Variants in NPIPB2 observed in about 807,000 individuals in gnomAD.
The protein encoded by NPIPB2 is nuclear pore complex-interacting protein family member B2.
Under a neutral mutation model 30.8 loss-of-function variants are expected in NPIPB2, and 27 were observed. The ratio of observed to expected loss-of-function variants is 0.88; its 90% CI spans 0.65 to 1.21. The LOEUF (loss-of-function observed/expected upper bound fraction) is 1.21. Among genes scored for constraint, NPIPB2 ranks in the 50% most tolerant of loss-of-function variants. The pLI is 0.00. For synonymous variants in NPIPB2, 147 were observed against 162.0 expected, an observed-to-expected ratio of 0.91 and a Z score of 0.70; for missense variants, 440 against 446.2, an observed-to-expected ratio of 0.99 and a Z score of 0.13.
chr16:11,951,011 A>G (rs2055056508), intron 1 of NPIPB2, among the ~76,000 whole-genome samples: 2 of 152,036 alleles, frequency 1.3e-5, no homozygotes, highest in Non-Finnish European at 2.9e-5. Flanking sequence ...TTGTTCTTTA[A>G]AAGGATTCAG....
At chr16:11,944,229 T>C (rs182603592), upstream of NPIPB2, among the ~76,000 whole-genome samples, 1 of 150,626 alleles carries the variant, frequency 6.6e-6, no homozygotes, top group Non-Finnish European at 1.5e-5. Flanking sequence ...GAATGCACTA[T>C]TGCGGTCTCG....
In NPIPB2 at chr16:11,967,504, G is replaced by A. The variant is rs1596507873; in HGVS notation, c.-584+9064C>T. On this transcript the variant is annotated intron_variant, in intron 1 of 5. Coordinates refer to the NPIPB2 transcript ENST00000538896. ...ATTGCTTTGAGTCCCGATGTGTACT[G>A]CTAAGACTCTCATGACCACATTCTC... 27 of 1,518,350 alleles carry A rather than the reference G, an allele frequency of 1.8e-5. No homozygotes were observed. The East Asian group carries it at 5.4e-4, about 31-fold the overall frequency. 94.1% of individuals were successfully genotyped at this position (1,518,350 alleles called of 1,614,324 possible).
At chr16:11,947,507 G>A (rs62040820) in intron 1 of NPIPB2, among the ~76,000 whole-genome samples, 17,296 of 151,116 alleles carry the variant, frequency 0.11, 1,298 homozygotes, top group South Asian at 0.2. Context: ...GCCACGCCCC[G>A]CTAATTTTTT....
intron 2 of NPIPB2, 44 bp downstream of exon 2, chr16:11,937,496 T>C (rs62040806): frequency 0.1 from 101,842 of 998,640 alleles, 7,098 homozygotes; most frequent in South Asian, 0.19. Context: ...TTTATTCTTA[T>C]TTGTGATTAC....
intron 4 of NPIPB2, among the ~76,000 whole-genome samples, chr16:11,932,707 T>C (rs1259223297): frequency 1.8e-4 from 19 of 105,586 alleles, no homozygotes; most frequent in African/African-American, 6.6e-4. Context: ...ACCTGGGAGG[T>C]GGAGGTTGCA....
At chr16:11,943,185 G>C (rs892488571), upstream of NPIPB2, among the ~76,000 whole-genome samples, 3 of 152,090 alleles carry the variant, frequency 2.0e-5, no homozygotes, top group African/African-American at 4.8e-5. Context: ...TGGGTGTGGT[G>C]GTGGGCGCCT....
intron 2 of NPIPB2, among the ~76,000 whole-genome samples, chr16:11,935,568 C>T (rs370757965): frequency 9.9e-5 from 15 of 152,258 alleles, no homozygotes; most frequent in East Asian, 9.7e-4. Context: ...TCTGCTTCAG[C>T]CTCCCAAAGT....
At chr16:11,938,850 G>A (rs1390793006) in intron 1 of NPIPB2, among the ~76,000 whole-genome samples, 1 of 151,952 alleles carries the variant, frequency 6.6e-6, no homozygotes, top group African/African-American at 2.4e-5. Context: ...CCGGGTTCAA[G>A]CGATTCTCCT....
At chr16:11,967,708 A>C in intron 1 of NPIPB2, 1 of 1,614,122 alleles carries the variant, frequency 6.2e-7, no homozygotes, top group Non-Finnish European at 8.5e-7. Context: ...CCGAAGGTCG[A>C]CTCTGACCAT....
chr16:11,961,716 G>A (rs2055154419), intron 1 of NPIPB2, among the ~76,000 whole-genome samples: 1 of 151,378 alleles, frequency 6.6e-6, no homozygotes, highest in African/African-American at 2.4e-5. Context: ...GGAGACGGAG[G>A]TTGCAGTGAG....
In NPIPB2 at chr16:11,934,294, C is replaced by G. The variant is rs2054835496; in HGVS notation, c.193-370G>C. 2.7e-5 allele frequency among the ~76,000 whole-genome samples: 4 copies of G among 147,294 alleles called. No individual in the cohort carries two copies. The South Asian group carries it at 8.7e-4, about 32-fold the overall frequency. Reference sequence around the variant, plus strand: ...ATGAGGCTGGCACGGTGGCTCACTCCTGTAATCCCAGCACTTTGGGAGGCC... The same window carrying G: ...ATGAGGCTGGCACGGTGGCTCACTCGTGTAATCCCAGCACTTTGGGAGGCC... On this transcript the variant is annotated intron_variant, in intron 2 of 7. Coordinates refer to ENST00000399147, the Ensembl canonical transcript of NPIPB2.
intron 1 of NPIPB2, among the ~76,000 whole-genome samples, chr16:11,975,777 G>T (rs764000194): frequency 6.6e-6 from 1 of 152,008 alleles, no homozygotes; most frequent in African/African-American, 2.4e-5. Flanking sequence ...TTTTAGTAGA[G>T]ATGGGGTTTC....
At chr16:11,944,413 C>T (rs1405703617), upstream of NPIPB2, among the ~76,000 whole-genome samples, 5 of 151,828 alleles carry the variant, frequency 3.3e-5, no homozygotes, top group African/African-American at 1.2e-4. Flanking sequence ...GTGATCTGCC[C>T]ACCTCAGCCT....
At position 11,966,712 on chromosome 16, in the gene NPIPB2, T is replaced by A. The variant is rs375613479; in HGVS notation, c.-584+9856A>T. Among the ~76,000 whole-genome samples, 18 of 152,314 alleles carry A rather than the reference T, an allele frequency of 1.2e-4. No homozygotes were observed. The East Asian group carries it at 2.7e-3, about 23-fold the overall frequency. On this transcript the variant is annotated intron_variant, in intron 1 of 5. Coordinates refer to the NPIPB2 transcript ENST00000538896. ...GTCAGGAAAAGCATATTTGTCAAGA[T>A]CTATGGTCATGTTTTTATACAAATA...
chr16:11,938,955 C>G (rs1178288325), intron 1 of NPIPB2, among the ~76,000 whole-genome samples: 1 of 151,818 alleles, frequency 6.6e-6, no homozygotes, highest in Non-Finnish European at 1.5e-5. Flanking sequence ...ACCATCTTGG[C>G]CAGGCTGGTC....
At chr16:11,969,331 C>G (rs1232393635) in intron 1 of NPIPB2, among the ~76,000 whole-genome samples, 1 of 152,090 alleles carries the variant, frequency 6.6e-6, no homozygotes, top group East Asian at 1.9e-4. Flanking sequence ...GATCTCAGCT[C>G]ACTGCAACCT....
At chr16:11,937,749 C>T (rs1016082436) in intron 1 of NPIPB2, 81 bp from the exon 2 acceptor site, 197 of 1,517,566 alleles carry the variant, frequency 1.3e-4, no homozygotes, top group Non-Finnish European at 1.6e-4. Context: ...CCTTAGAAAC[C>T]GTCAACCTCC....
rs139413123 is a variant in NPIPB2, at chr16:11,973,372, T to C, written c.-584+3196A>G. Among the ~76,000 whole-genome samples, 247 of 152,202 alleles carry C rather than the reference T, an allele frequency of 1.6e-3. 2 individuals carry two copies. In the East Asian group the frequency reaches 0.043, roughly 26 times the overall value. On this transcript the variant is annotated intron_variant, in intron 1 of 5. Transcript: ENST00000538896. ...TTTTGGTTTATAGCCATGATTTCCATAGCTGGGATTTGGTTCTTTCCACTG... is the reference window on the plus strand; with the variant it reads ...TTTTGGTTTATAGCCATGATTTCCACAGCTGGGATTTGGTTCTTTCCACTG...
chr16:11,960,450 A>G (rs2055145298), intron 1 of NPIPB2, among the ~76,000 whole-genome samples: 1 of 144,004 alleles, frequency 6.9e-6, no homozygotes, highest in Non-Finnish European at 1.5e-5. Flanking sequence ...TCTGCCTCCC[A>G]GGTTCAAGCA....
Sources: allele counts gnomAD v4.1 joint callset (sites outside exome capture counted in the v4.1 genomes callset), GRCh38; gene constraint gnomAD v4.1.1; transcripts MANE v1.5; gene names NCBI Gene and HGNC (gene_info 2026-07-23, HGNC 2026-07-21).